The following KAZN variants were observed in gnomAD, a reference collection of about 807,000 sequenced individuals.
KAZN encodes the protein kazrin, periplakin interacting protein, also known as kazrin.
In KAZN, 40 loss-of-function variants were observed where a neutral mutation model predicts 87.4. That is an observed-to-expected ratio of 0.46 (90% CI 0.36 to 0.60). KAZN has a LOEUF of 0.60. Ranked by LOEUF, KAZN falls within the 20% of genes least tolerant of loss-of-function variation. The pLI is 0.00. For missense variants in KAZN, 898 were observed against 1,073.9 expected (o/e 0.84, Z 2.29); for synonymous variants, 466 against 458.3 (o/e 1.02, Z -0.22).
intron 1 of KAZN, among the ~76,000 whole-genome samples, chr1:14,066,088 T>C (rs1642998173): frequency 6.6e-6 from 1 of 152,226 alleles, no homozygotes; most frequent in African/African-American, 2.4e-5. Flanking sequence ...TATTTGGTTT[T>C]CCATTCTTGA....
At chr1:13,895,836 A>ACG (rs1553170586) in intron 1 of KAZN, among the ~76,000 whole-genome samples, 12 of 152,164 alleles carry the variant, frequency 7.9e-5, no homozygotes. Flanking sequence ...AGAGTAAGTT[A>ACG]CGGCTCATAC....
At position 14,550,824 on chromosome 1, in the gene KAZN, C is replaced by G. The variant is rs527609236; in HGVS notation, c.250-48159C>G. 4.9e-5 allele frequency among the ~76,000 whole-genome samples: 7 copies of G among 143,740 alleles called. No individual in the cohort carries two copies. In the South Asian group the frequency reaches 1.7e-3, roughly 34 times the overall value. 94.3% of individuals were successfully genotyped at this position (143,740 alleles called of 152,430 possible). A position where few individuals can be genotyped will look rare whatever the true frequency, so the allele number is the denominator to read the frequency against. On this transcript the variant is annotated intron_variant, in intron 2 of 16. Transcript: ENST00000636203. ...CAGGATCAGACTGAAATTCTTCAGTCAGGCCAACCCCCAAACCAAGGGGAC... is the reference window on the plus strand; with the variant it reads ...CAGGATCAGACTGAAATTCTTCAGTGAGGCCAACCCCCAAACCAAGGGGAC...
At chr1:14,329,604 C>A (rs1005099875) in intron 2 of KAZN, among the ~76,000 whole-genome samples, 5 of 152,110 alleles carry the variant, frequency 3.3e-5, no homozygotes, top group African/African-American at 1.2e-4. Flanking sequence ...TCTGCCCACT[C>A]CAAAGACCAT....
chr1:14,763,024 G>A (rs1644785763), intron 1 of KAZN, among the ~76,000 whole-genome samples: 1 of 152,114 alleles, frequency 6.6e-6, no homozygotes, highest in Admixed American at 6.5e-5. Context: ...GGCAGTCTGT[G>A]AGCTTTCAAA....
intron 1 of KAZN, among the ~76,000 whole-genome samples, chr1:14,763,290 G>A (rs1455962164): frequency 6.6e-6 from 1 of 152,252 alleles, no homozygotes; most frequent in Non-Finnish European, 1.5e-5. Context: ...CAAGCCCAGA[G>A]AACAGATGCT....
At chr1:14,281,629 T>A (rs1032110861) in intron 2 of KAZN, among the ~76,000 whole-genome samples, 3 of 152,348 alleles carry the variant, frequency 2.0e-5, no homozygotes, top group Middle Eastern at 3.4e-3. Flanking sequence ...CCACCTTATC[T>A]TCCTGGCATT....
intron 1 of KAZN, among the ~76,000 whole-genome samples, chr1:14,926,924 G>A (rs1557628151): frequency 6.6e-6 from 1 of 152,186 alleles, no homozygotes; most frequent in Non-Finnish European, 1.5e-5. Context: ...GGGGATGCTG[G>A]CTTGGTGGGA....
chr1:14,177,721 A>G (rs1323625785), intron 1 of KAZN, among the ~76,000 whole-genome samples: 2 of 152,006 alleles, frequency 1.3e-5, no homozygotes, highest in African/African-American at 4.8e-5. Context: ...TAGGCAAGAA[A>G]AACTTGCAGG....
chr1:14,479,901 G>C (rs2148388698), intron 2 of KAZN, among the ~76,000 whole-genome samples: 1 of 152,278 alleles, frequency 6.6e-6, no homozygotes. Flanking sequence ...TGGAGCATCT[G>C]TTCAAGATTG....
intron 1 of KAZN, among the ~76,000 whole-genome samples, chr1:14,117,307 C>A (rs561330433): frequency 6.6e-6 from 1 of 152,208 alleles, no homozygotes; most frequent in Non-Finnish European, 1.5e-5. Context: ...GGGGGCAGGT[C>A]TTTCCCGTGC....
At chr1:14,322,490 G>C (rs1359445222) in intron 2 of KAZN, among the ~76,000 whole-genome samples, 2 of 151,996 alleles carry the variant, frequency 1.3e-5, no homozygotes, top group Admixed American at 6.6e-5. Context: ...CCTGGAGTTA[G>C]TTTCATCCTC....
rs111448035 is a variant in KAZN, at chr1:14,250,731, A to G, written c.249+70139A>G. 2.6e-3 allele frequency among the ~76,000 whole-genome samples: 391 copies of G among 152,210 alleles called. 4 individuals carry two copies. The highest frequency in any genetic ancestry group is 3.7e-3 in the Admixed American group (56 of 15,286). The stretch of plus-strand genomic sequence containing the variant: ...ACTAAATATTTCCTGCTTTTTAACA[A>G]TTGACTTAGTTTGAAGGTAATTTGG... On this transcript the variant is annotated intron_variant, in intron 2 of 16. Transcript: ENST00000636203.
chr1:14,106,636 G>T (rs1644380449), intron 1 of KAZN, among the ~76,000 whole-genome samples: 1 of 152,170 alleles, frequency 6.6e-6, no homozygotes, highest in Admixed American at 6.5e-5. Flanking sequence ...ACAGTGACTT[G>T]AAATTGATCT....
intron 8 of KAZN, chr1:15,067,860 A>G: frequency 1.0e-6 from 1 of 968,414 alleles, no homozygotes; most frequent in Non-Finnish European, 1.2e-6. Flanking sequence ...TTGCCCATGA[A>G]TTTCTTTTCT....
chr1:14,559,604 C>T (rs869839), intron 2 of KAZN, among the ~76,000 whole-genome samples: 114 of 152,092 alleles, frequency 7.5e-4, no homozygotes, highest in Non-Finnish European at 1.2e-3. Flanking sequence ...ACTGTAAATT[C>T]CCAAGACCGG....
chr1:14,029,024 T>A, intron 1 of KAZN, among the ~76,000 whole-genome samples: 1 of 151,886 alleles, frequency 6.6e-6, no homozygotes, highest in Non-Finnish European at 1.5e-5. Context: ...GTATTTCTAA[T>A]TCTAGATCCC....
chr1:14,271,513 C>T (rs772094492), intron 2 of KAZN, among the ~76,000 whole-genome samples: 3 of 152,134 alleles, frequency 2.0e-5, no homozygotes, highest in Admixed American at 6.6e-5. Flanking sequence ...AGCCGTCCAA[C>T]CGGAAATCAA....
chr1:14,497,334 CTA>C (rs1491194006), intron 2 of KAZN, among the ~76,000 whole-genome samples: 1 of 20,444 alleles, frequency 4.9e-5, no homozygotes, highest in African/African-American at 3.2e-4. Flanking sequence ...AATTCTGTTA[CTA>C]AAAAAAAAAA....
At chr1:15,005,105 G>A (rs1216429367) in intron 2 of KAZN, among the ~76,000 whole-genome samples, 2 of 152,110 alleles carry the variant, frequency 1.3e-5, no homozygotes, top group African/African-American at 4.8e-5. Flanking sequence ...TGCCATGGCC[G>A]AACTTCATCC....
Sources: gnomAD v4.1 joint callset for allele counts (sites outside exome capture counted in the v4.1 genomes callset) on GRCh38, gnomAD v4.1.1 for gene constraint, MANE v1.5 for transcripts, NCBI Gene and HGNC (gene_info 2026-07-23, HGNC 2026-07-21) for gene names.